TENM2: variants seen among roughly 807,000 people sequenced by gnomAD.
TENM2 encodes teneurin transmembrane protein 2.
In TENM2, 52 loss-of-function variants were observed where a neutral mutation model predicts 245.2. The observed-to-expected ratio is 0.21, with a 90% CI of 0.17 to 0.27. The LOEUF is 0.27. Among genes scored for constraint, TENM2 ranks in the 10% least tolerant of loss-of-function variants. The pLI, the probability that TENM2 is intolerant of heterozygous loss-of-function variation, is 1.00. For synonymous variants in TENM2, 1,363 were observed against 1,438.9 expected, an observed-to-expected ratio of 0.95 and a Z score of 1.19; for missense variants, 3,046 against 3,666.8, an observed-to-expected ratio of 0.83 and a Z score of 4.37.
chr5:167,716,407 A>T (rs1453125384), intron 2 of TENM2, among the ~76,000 whole-genome samples: 1 of 152,184 alleles, frequency 6.6e-6, no homozygotes, highest in African/African-American at 2.4e-5. Context: ...CTGAGAGTTT[A>T]TACCAAGATT....
At chr5:167,387,809 G>A (rs1334153900) in intron 2 of TENM2, among the ~76,000 whole-genome samples, 2 of 152,042 alleles carry the variant, frequency 1.3e-5, no homozygotes, top group Admixed American at 6.6e-5. Context: ...TGTTTATGCT[G>A]TGAATCACAT....
intron 2 of TENM2, among the ~76,000 whole-genome samples, chr5:167,569,591 C>T (rs991931242): frequency 1.3e-5 from 2 of 152,110 alleles, no homozygotes; most frequent in Non-Finnish European, 2.9e-5. Context: ...TTTGCTAAAT[C>T]TCAGTTTTGT....
chr5:167,595,049 G>T (rs377228256), intron 2 of TENM2, among the ~76,000 whole-genome samples: 1 of 152,146 alleles, frequency 6.6e-6, no homozygotes, highest in Non-Finnish European at 1.5e-5. Flanking sequence ...AAATCAAGCA[G>T]CCCTTTCTGG....
the TENM2 span, among the ~76,000 whole-genome samples, chr5:167,076,127 C>A: frequency 6.6e-5 from 10 of 151,896 alleles, no homozygotes; most frequent in Admixed American, 3.9e-4. Flanking sequence ...ACATAACATA[C>A]AAAAAAATCA....
At chr5:167,705,534 A>G (rs1758446527) in intron 2 of TENM2, among the ~76,000 whole-genome samples, 1 of 152,126 alleles carries the variant, frequency 6.6e-6, no homozygotes, top group Non-Finnish European at 1.5e-5. Context: ...CTGAATATAG[A>G]GGTAAAAGAG....
chr5:167,799,755 C>A (rs948641110), intron 2 of TENM2, among the ~76,000 whole-genome samples: 2 of 152,078 alleles, frequency 1.3e-5, no homozygotes, highest in Non-Finnish European at 2.9e-5. Flanking sequence ...ATTTCAGGTC[C>A]CTAAAGGCAA....
the TENM2 span, among the ~76,000 whole-genome samples, chr5:167,149,879 G>A: frequency 6.6e-6 from 1 of 152,162 alleles, no homozygotes; most frequent in East Asian, 1.9e-4. Flanking sequence ...TGAGTATCTT[G>A]AGGACAAGGA....
At chr5:168,180,375 T>G (rs533766193) in intron 13 of TENM2, among the ~76,000 whole-genome samples, 1 of 152,376 alleles carries the variant, frequency 6.6e-6, no homozygotes, top group South Asian at 2.1e-4. Flanking sequence ...TTAACTTCGT[T>G]TAACTGACTC....
chr5:168,137,136 T>C (rs1755125768), intron 12 of TENM2, among the ~76,000 whole-genome samples: 1 of 152,188 alleles, frequency 6.6e-6, no homozygotes, highest in Non-Finnish European at 1.5e-5. Flanking sequence ...ACCAATGGTC[T>C]AGAGACGGAA....
At chr5:167,672,565 G>A (rs1299872822) in intron 2 of TENM2, among the ~76,000 whole-genome samples, 1 of 151,988 alleles carries the variant, frequency 6.6e-6, no homozygotes, top group East Asian at 1.9e-4. Flanking sequence ...TAGGCTTTCA[G>A]TAGAAGCTTA....
upstream of TENM2, among the ~76,000 whole-genome samples, chr5:167,280,390 G>A (rs371156706): frequency 1.4e-4 from 22 of 152,152 alleles, no homozygotes; most frequent in East Asian, 1.4e-3. Context: ...TATGCTCAGT[G>A]GGGGTGGACG....
At chr5:167,255,284 T>G in the TENM2 span, among the ~76,000 whole-genome samples, 1 of 152,132 alleles carries the variant, frequency 6.6e-6, no homozygotes, top group African/African-American at 2.4e-5. Flanking sequence ...TGTAATGTCT[T>G]TTACATGCAG....
the TENM2 span, among the ~76,000 whole-genome samples, chr5:167,072,798 A>T: frequency 1.3e-5 from 2 of 152,196 alleles, no homozygotes; most frequent in Admixed American, 1.3e-4. Flanking sequence ...ATCATGCTTA[A>T]GTTGGATGGA....
chr5:167,758,985 G>T (rs1762487808), intron 2 of TENM2, among the ~76,000 whole-genome samples: 1 of 151,342 alleles, frequency 6.6e-6, no homozygotes, highest in African/African-American at 2.4e-5. Context: ...TTGATACTTT[G>T]AATAAATAAT....
At chr5:167,302,867 G>A (rs988179596) in intron 1 of TENM2, among the ~76,000 whole-genome samples, 6 of 152,186 alleles carry the variant, frequency 3.9e-5, no homozygotes, top group Non-Finnish European at 8.8e-5. Flanking sequence ...AGACACCTCT[G>A]AAACATGGGT....
intron 2 of TENM2, among the ~76,000 whole-genome samples, chr5:167,546,291 G>A (rs183832632): frequency 6.6e-6 from 1 of 152,138 alleles, no homozygotes; most frequent in East Asian, 1.9e-4. Flanking sequence ...TTTTTTGTTT[G>A]TTTTTAATGA....
intron 2 of TENM2, among the ~76,000 whole-genome samples, chr5:167,643,827 C>T (rs183351942): frequency 2.0e-5 from 3 of 152,240 alleles, no homozygotes; most frequent in Admixed American, 6.5e-5. Flanking sequence ...TTGGAGGGTG[C>T]TATGATGCAA....
rs76431000 is a variant in TENM2, at chr5:167,382,963, A to G, written c.502+7490A>G. ...ATAAAACTATGTGTTGTTTTATTCA[A>G]TATTGGTGAAAAATAGAAAAGTACT... is the stretch of plus-strand genomic sequence containing the variant. On this transcript the variant is annotated intron_variant, in intron 2 of 28. Transcript: ENST00000518659. 5.2e-3 allele frequency among the ~76,000 whole-genome samples: 789 copies of G among 152,242 alleles called. 9 individuals are homozygous for G. Among genetic ancestry groups the G allele is most frequent in the African/African-American group, 0.018 (759 of 41,540 alleles).
chr5:167,516,312 T>A lies in TENM2; in HGVS notation c.502+140839T>A, dbSNP rs1210889039. 1.3e-5 allele frequency among the ~76,000 whole-genome samples: 2 copies of A among 152,136 alleles called. 1 individual carries two copies. Among genetic ancestry groups the A allele is most frequent in the Non-Finnish European group, 2.9e-5 (2 of 68,010 alleles). ...TAAAATCTCAAGTGTATTTTCACTTTCGTAACCTCTCTAGACATTTTAATG... is the reference window on the plus strand; with the variant it reads ...TAAAATCTCAAGTGTATTTTCACTTACGTAACCTCTCTAGACATTTTAATG... On this transcript the variant is annotated intron_variant, in intron 2 of 28. Coordinates refer to ENST00000518659, the Ensembl canonical transcript of TENM2.
Sources: gnomAD v4.1 joint callset for allele counts (sites outside exome capture counted in the v4.1 genomes callset) on GRCh38, gnomAD v4.1.1 for gene constraint, MANE v1.5 for transcripts, NCBI Gene and HGNC (gene_info 2026-07-23, HGNC 2026-07-21) for gene names.